The following PHF24 variants were observed in gnomAD, a reference collection of about 807,000 sequenced individuals.
PHF24 encodes the protein PHD finger protein 24, also known as Galpha inhibitory interacting protein.
In PHF24, 25 loss-of-function variants were observed where a neutral mutation model predicts 42.6. The observed-to-expected ratio is 0.59, with a 90% CI of 0.43 to 0.82. The LOEUF is 0.82. Among genes scored for constraint, PHF24 ranks in the 40% least tolerant of loss-of-function variants. The probability of loss-of-function intolerance (pLI) is 0.00; values close to 1 mark genes in which losing one functional copy is unlikely to be tolerated. For synonymous variants in PHF24, 185 were observed against 204.8 expected (o/e 0.90, Z 0.83); for missense variants, 470 against 538.1 (o/e 0.87, Z 1.25).
the PHF24 span, chr9:34,838,621 A>T: frequency 5.2e-6 from 3 of 573,646 alleles, no homozygotes; most frequent in African/African-American, 5.6e-5. Flanking sequence ...AGGCCACCAG[A>T]CTGCATCACA....
the PHF24 span, among the ~76,000 whole-genome samples, chr9:34,787,644 G>T: frequency 6.6e-6 from 1 of 152,334 alleles, no homozygotes; most frequent in East Asian, 1.9e-4. Flanking sequence ...CCAGTGATCT[G>T]CTCCACCCCA....
the PHF24 span, among the ~76,000 whole-genome samples, chr9:34,713,604 A>ACC: frequency 6.6e-6 from 1 of 151,848 alleles, no homozygotes; most frequent in African/African-American, 2.4e-5. Context: ...GGAGGGACCA[A>ACC]CCCCTATAAC....
chr9:34,735,238 C>T, the PHF24 span, among the ~76,000 whole-genome samples: 8 of 148,298 alleles, frequency 5.4e-5, no homozygotes, highest in Middle Eastern at 7.1e-3. Flanking sequence ...TGGGTTCAAG[C>T]GATTCTCCTG....
At chr9:34,814,689 T>C in the PHF24 span, among the ~76,000 whole-genome samples, 1 of 152,232 alleles carries the variant, frequency 6.6e-6, no homozygotes, top group Non-Finnish European at 1.5e-5. Context: ...CCAGCATTCA[T>C]GAAACAGTAG....
chr9:34,909,274 CTTATCTTT>C, the PHF24 span, among the ~76,000 whole-genome samples: 1 of 152,148 alleles, frequency 6.6e-6, no homozygotes, highest in African/African-American at 2.4e-5. Flanking sequence ...CTTCCCTTAT[CTTATCTTT>C]GTGTCTTTGG....
the PHF24 span, among the ~76,000 whole-genome samples, chr9:34,843,257 A>G: frequency 1.3e-4 from 20 of 152,344 alleles, no homozygotes; most frequent in African/African-American, 4.3e-4. Context: ...TAGATTGCCA[A>G]ACAACTTTGA....
chr9:34,871,327 CT>C, the PHF24 span, among the ~76,000 whole-genome samples: 1 of 152,282 alleles, frequency 6.6e-6, no homozygotes, highest in Middle Eastern at 3.4e-3. Flanking sequence ...GCTTTGTATA[CT>C]TTGGATAGCA....
At chr9:34,910,257 A>G in the PHF24 span, among the ~76,000 whole-genome samples, 1 of 152,050 alleles carries the variant, frequency 6.6e-6, no homozygotes, top group Non-Finnish European at 1.5e-5. Context: ...GCTCACCACT[A>G]TGCTAATGAG....
chr9:34,725,897 A>G, the PHF24 span: 8 of 1,552,072 alleles, frequency 5.2e-6, no homozygotes, highest in African/African-American at 2.7e-5. Flanking sequence ...AGATCCCATG[A>G]AAGTGGCAAC....
chr9:34,893,266 A>G, the PHF24 span: 7 of 427,176 alleles, frequency 1.6e-5, no homozygotes, highest in Non-Finnish European at 2.9e-5. Context: ...TGGAGCCTAC[A>G]CTCTCTTGTT....
At chr9:34,876,014 T>C in the PHF24 span, among the ~76,000 whole-genome samples, 1 of 148,580 alleles carries the variant, frequency 6.7e-6, no homozygotes, top group Admixed American at 6.7e-5. Context: ...TAGCTGGATA[T>C]TCCAGTTAGG....
chr9:34,968,088 C>T (rs1826841264), intron 1 of PHF24, among the ~76,000 whole-genome samples: 1 of 152,166 alleles, frequency 6.6e-6, no homozygotes, highest in African/African-American at 2.4e-5. Context: ...ACATACAGTA[C>T]AAAAATTAGA....
At chr9:34,699,025 A>G in the PHF24 span, among the ~76,000 whole-genome samples, 2 of 152,178 alleles carry the variant, frequency 1.3e-5, no homozygotes, top group South Asian at 4.1e-4. Context: ...CTGGTCTAAA[A>G]CTCAGATTAT....
At chr9:34,839,985 C>G in the PHF24 span, among the ~76,000 whole-genome samples, 1 of 152,034 alleles carries the variant, frequency 6.6e-6, no homozygotes, top group Non-Finnish European at 1.5e-5. Flanking sequence ...TCCTAACAAA[C>G]GCAGAACCCC....
At chr9:34,849,948 G>A in the PHF24 span, among the ~76,000 whole-genome samples, 271 of 152,316 alleles carry the variant, frequency 1.8e-3, no homozygotes, top group African/African-American at 6.2e-3. Context: ...CTTCTGGCTT[G>A]TAGAGTTTCT....
the PHF24 span, chr9:34,892,886 G>A: frequency 1.4e-6 from 1 of 700,066 alleles, no homozygotes; most frequent in Non-Finnish European, 2.6e-6. Context: ...CATTAATTGT[G>A]ACAGTGTTGG....
At chr9:34,976,734 T>G (rs1034449824) in exon 5 of PHF24, 4 of 1,613,222 alleles carry the variant, frequency 2.5e-6, no homozygotes, top group South Asian at 2.2e-5. Context: ...AGCAGTTGCG[T>G]CCCCAGGTGA....
At chr9:34,744,918 C>T in the PHF24 span, among the ~76,000 whole-genome samples, 1 of 152,142 alleles carries the variant, frequency 6.6e-6, no homozygotes, top group Non-Finnish European at 1.5e-5. Flanking sequence ...TAATCATCTG[C>T]TCCACCAGCC....
At chr9:34,876,915 C>A in the PHF24 span, among the ~76,000 whole-genome samples, 42 of 152,094 alleles carry the variant, frequency 2.8e-4, no homozygotes, top group African/African-American at 9.9e-4. Flanking sequence ...AAGGTGGAAA[C>A]AAAGATGAAA....
Sources: allele counts gnomAD v4.1 joint callset (sites outside exome capture counted in the v4.1 genomes callset), GRCh38; gene constraint gnomAD v4.1.1; transcripts MANE v1.5; gene names NCBI Gene and HGNC (gene_info 2026-07-23, HGNC 2026-07-21).